TAFA1: variants seen among roughly 807,000 people sequenced by gnomAD.
The protein encoded by TAFA1 is chemokine-like protein TAFA-1.
In TAFA1, 4 loss-of-function variants were observed where a neutral mutation model predicts 18.5. That is an observed-to-expected ratio of 0.22 (90% confidence interval 0.11 to 0.49). The LOEUF (loss-of-function observed/expected upper bound fraction) is 0.49, where lower values mean the gene tolerates loss of function less well. Among genes scored for constraint, TAFA1 ranks in the 20% least tolerant of loss-of-function variants. TAFA1 has a pLI of 0.98. For missense variants in TAFA1, 147 were observed against 169.0 expected (o/e 0.87, Z 0.72); for synonymous variants, 56 against 55.2 (o/e 1.01, Z -0.06).
chr3:68,184,911 G>A (rs538873282), intron 2 of TAFA1, among the ~76,000 whole-genome samples: 6 of 152,162 alleles, frequency 3.9e-5, no homozygotes, highest in East Asian at 3.9e-4. Context: ...AAAAACACCC[G>A]GGATGTTTTT....
At chr3:68,517,702 C>A (rs1203079384) in intron 3 of TAFA1, among the ~76,000 whole-genome samples, 1 of 152,112 alleles carries the variant, frequency 6.6e-6, no homozygotes, top group Admixed American at 6.5e-5. Context: ...AGAACTATGG[C>A]CCAGGAGGAG....
chr3:68,098,635 A>G (rs1385102383), intron 2 of TAFA1, among the ~76,000 whole-genome samples: 6 of 152,142 alleles, frequency 3.9e-5, no homozygotes, highest in South Asian at 4.1e-4. Flanking sequence ...AATTATTCCA[A>G]TGAAGGGTAG....
chr3:68,417,469 A>G (rs771769252), intron 3 of TAFA1, 49 bp downstream of exon 3: 1 of 1,564,018 alleles, frequency 6.4e-7, no homozygotes, highest in Non-Finnish European at 8.7e-7. Context: ...CATTCACTAT[A>G]CATAATATAA....
rs954991098 is a variant in TAFA1 at position 68,145,510 on chromosome 3, A to G, written c.118+138766A>G. 9.8e-6 allele frequency: 10 copies of G among 1,017,972 alleles called. No individual in the cohort carries two copies. In the African/African-American group the frequency reaches 1.3e-4, roughly 13 times the overall value. The allele number at this position is 1,017,972 out of a possible 1,614,324, so 63.1% of individuals were successfully genotyped here. ...TGGTTCTGCCCAGAAAGCCAGTTGCAGGGGCCCTGGATGTTTCCTTTAACA... is the reference window on the plus strand; with the variant it reads ...TGGTTCTGCCCAGAAAGCCAGTTGCGGGGGCCCTGGATGTTTCCTTTAACA... On this transcript the variant is annotated intron_variant, in intron 2 of 4. Coordinates refer to ENST00000478136, the MANE Select transcript of TAFA1 (RefSeq NM_213609.4).
Position 68,409,233 on chromosome 3 carries a change from C to T in TAFA1, c.119-8047C>T, listed in dbSNP as rs74906953. On this transcript the variant is annotated intron_variant, in intron 2 of 4. Transcript: ENST00000478136. ...CCCCTTAGCATATTTTCTTCTTTCC[C>T]GGAAAGTCTGCTGTTGTGATAATTT... Among the ~76,000 whole-genome samples the T allele has an allele frequency of 3.3e-3, 498 of 152,168 alleles. 5 individuals are homozygous for T. The highest frequency in any genetic ancestry group is 8.8e-3 in the African/African-American group (366 of 41,518).
intron 3 of TAFA1, among the ~76,000 whole-genome samples, chr3:68,516,462 G>A (rs946383794): frequency 6.6e-6 from 1 of 152,096 alleles, no homozygotes; most frequent in Non-Finnish European, 1.5e-5. Context: ...GAAAAAATTA[G>A]GCTACATATG....
chr3:68,494,070 A>G (rs1288680065), intron 3 of TAFA1, among the ~76,000 whole-genome samples: 4 of 152,136 alleles, frequency 2.6e-5, no homozygotes, highest in Admixed American at 6.5e-5. Context: ...GGTTGTTTGT[A>G]AGGGTTAAAC....
intron 3 of TAFA1, among the ~76,000 whole-genome samples, chr3:68,433,069 G>A (rs1352306504): frequency 6.6e-6 from 1 of 151,940 alleles, no homozygotes; most frequent in Non-Finnish European, 1.5e-5. Flanking sequence ...TCTCCGTTTG[G>A]ATTTCTCAAA....
At chr3:68,242,535 T>C (rs760805877) in intron 2 of TAFA1, among the ~76,000 whole-genome samples, 7 of 152,160 alleles carry the variant, frequency 4.6e-5, no homozygotes, top group Non-Finnish European at 4.4e-5. Context: ...TTTTTGTTCC[T>C]AGCAATTAGA....
chr3:68,333,126 G>A (rs958703793), intron 2 of TAFA1, among the ~76,000 whole-genome samples: 7 of 152,176 alleles, frequency 4.6e-5, no homozygotes, highest in South Asian at 4.2e-4. Context: ...CAGAATTATC[G>A]TTAGACTCAG....
At position 68,320,318 on chromosome 3, in the gene TAFA1, A is replaced by G. The variant is rs536093773; in HGVS notation, c.119-96962A>G. 2.6e-5 allele frequency among the ~76,000 whole-genome samples: 4 copies of G among 152,250 alleles called. No homozygotes were observed. In the South Asian group the frequency reaches 8.3e-4, roughly 32 times the overall value. Reference sequence around the variant, plus strand: ...ATGCAGGGGTGTGTTCTGAGTCTTCATGCTTTCAGATATACTCATCATCAT... The same window carrying G: ...ATGCAGGGGTGTGTTCTGAGTCTTCGTGCTTTCAGATATACTCATCATCAT... On this transcript the variant is annotated intron_variant, in intron 2 of 4. Coordinates refer to ENST00000478136, the MANE Select transcript of TAFA1 (RefSeq NM_213609.4).
In TAFA1 at chr3:68,116,360, C is replaced by T. The variant is rs2065325109; in HGVS notation, c.118+109616C>T. Among the ~76,000 whole-genome samples the T allele has an allele frequency of 5.9e-5, 9 of 152,268 alleles. 1 individual carries two copies. The South Asian group carries it at 1.9e-3, about 32-fold the overall frequency. On this transcript the variant is annotated intron_variant, in intron 2 of 4. Transcript: ENST00000478136. Reference sequence around the variant, plus strand: ...ATACACATAAGGAAATTTTATTTGGCTTTCTTATATAAATAAAGTGTAAGT... The same window carrying T: ...ATACACATAAGGAAATTTTATTTGGTTTTCTTATATAAATAAAGTGTAAGT...
At chr3:68,458,732 C>G (rs1415872449) in intron 3 of TAFA1, among the ~76,000 whole-genome samples, 1 of 152,012 alleles carries the variant, frequency 6.6e-6, no homozygotes, top group Non-Finnish European at 1.5e-5. Flanking sequence ...CTTTGAACTG[C>G]TGGGGAAACA....
chr3:68,404,094 T>C (rs571923651), intron 2 of TAFA1, among the ~76,000 whole-genome samples: 17 of 152,292 alleles, frequency 1.1e-4, no homozygotes, highest in South Asian at 6.2e-4. Context: ...AACAACCTCA[T>C]GATGAAAGTA....
chr3:68,264,391 A>T (rs1224846962), intron 2 of TAFA1, among the ~76,000 whole-genome samples: 2 of 152,222 alleles, frequency 1.3e-5, no homozygotes, highest in Non-Finnish European at 2.9e-5. Context: ...CATCCCTAAC[A>T]TCTTTTACCT....
chr3:68,284,670 G>T (rs1301999791), intron 2 of TAFA1, among the ~76,000 whole-genome samples: 3 of 152,088 alleles, frequency 2.0e-5, no homozygotes, highest in Admixed American at 6.6e-5. Context: ...ATTCACACCT[G>T]TAAACTCAGC....
intron 3 of TAFA1, among the ~76,000 whole-genome samples, chr3:68,527,405 C>T (rs779915408): frequency 2.0e-5 from 3 of 152,082 alleles, no homozygotes; most frequent in Non-Finnish European, 4.4e-5. Flanking sequence ...TAGAGTAGCC[C>T]ATAACAGGTA....
At chr3:68,210,568 A>G (rs1416955438) in intron 2 of TAFA1, among the ~76,000 whole-genome samples, 1 of 152,046 alleles carries the variant, frequency 6.6e-6, no homozygotes, top group Non-Finnish European at 1.5e-5. Context: ...TGTGCAATAC[A>G]CAATGTCTCA....
At chr3:68,538,008 C>T (rs2073303810) in intron 3 of TAFA1, among the ~76,000 whole-genome samples, 1 of 152,062 alleles carries the variant, frequency 6.6e-6, no homozygotes, top group Admixed American at 6.6e-5. Flanking sequence ...GGGCAGGGGG[C>T]TAGGGAATGG....
Sources: allele counts gnomAD v4.1 joint callset (sites outside exome capture counted in the v4.1 genomes callset), GRCh38; gene constraint gnomAD v4.1.1; transcripts MANE v1.5; gene names NCBI Gene and HGNC (gene_info 2026-07-23, HGNC 2026-07-21).